Variants in PDE3B observed in about 807,000 individuals in gnomAD.
PDE3B encodes the protein cGMP-inhibited 3',5'-cyclic phosphodiesterase 3B.
A neutral mutation model predicts 116.8 loss-of-function variants in PDE3B; 66 were observed. The observed-to-expected ratio is 0.56, with a 90% CI of 0.46 to 0.69. PDE3B has a LOEUF of 0.69. PDE3B is among the 30% of genes least tolerant of loss of function. The pLI is 0.00. For synonymous variants in PDE3B, 595 were observed against 533.6 expected (o/e 1.12, Z -1.59); for missense variants, 1,384 against 1,368.1 (o/e 1.01, Z -0.18).
rs1465921537 is a variant in PDE3B at position 14,831,765 on chromosome 11, G to A, written c.2082G>A (p.Arg694=). 1 of 1,602,128 alleles carries A rather than the reference G, an allele frequency of 6.2e-7. No homozygotes were observed. ...AAAAGATGGGAGAGAAATCAGGAAG[G>A]ATTCTCAGTCAGGTTTGCTTTCAAA... is the stretch of plus-strand genomic sequence containing the variant. ...LVEKMGEKSG[R]ILSQVMYTLF... is the part of the protein sequence containing the mutation. The change falls in exon 9 of 16, where the codon AGG becomes AGA. Residue 694 remains arginine (R), a synonymous_variant. Transcript: ENST00000282096.
At chr11:14,879,382 G>T in the PDE3B span, 5 of 1,609,716 alleles carry the variant, frequency 3.1e-6, no homozygotes, top group South Asian at 5.5e-5. Flanking sequence ...TTTTGCATTT[G>T]TCGTCCCAAG....
the PDE3B span, among the ~76,000 whole-genome samples, chr11:14,897,905 A>G: frequency 6.6e-6 from 1 of 152,190 alleles, no homozygotes; most frequent in East Asian, 1.9e-4. Context: ...CACCTAGCTC[A>G]GCATTCACCT....
rs1848128062 is a variant in PDE3B, at chr11:14,870,675, T to C, written c.*1015T>C. ...CATCTTAGCTGTCATTTGTTCACTC[T>C]AAAACTGATGTTCATCTTTCTGTTA... is the stretch of plus-strand genomic sequence containing the variant. On this transcript the variant is annotated 3_prime_UTR_variant, in exon 16 of 16. Coordinates refer to ENST00000282096, the MANE Select transcript of PDE3B (RefSeq NM_000922.4). This position sits in a 1 kb window ranked among gnomAD's most constrained non-coding sequence, Gnocchi z 4.1. The C allele has an allele frequency of 6.6e-6, 1 of 152,224 alleles. No individual in the cohort carries two copies. The highest frequency in any genetic ancestry group is 2.1e-4 in the South Asian group (1 of 4,834). The allele number at this position is 152,224 out of a possible 1,614,324, so 9.4% of individuals were successfully genotyped here.
chr11:14,656,158 G>T (rs1345952334), intron 1 of PDE3B, among the ~76,000 whole-genome samples: 1 of 152,144 alleles, frequency 6.6e-6, no homozygotes, highest in Non-Finnish European at 1.5e-5. Flanking sequence ...AAGTCTTAGT[G>T]ACTGAAAGTT....
At chr11:14,762,938 A>G (rs951541141) in intron 1 of PDE3B, among the ~76,000 whole-genome samples, 3 of 152,200 alleles carry the variant, frequency 2.0e-5, no homozygotes, top group African/African-American at 7.2e-5. Context: ...GTTAAGTTCA[A>G]GGTATCTATT....
At chr11:14,731,746 A>G (rs537602576) in intron 1 of PDE3B, among the ~76,000 whole-genome samples, 2 of 152,266 alleles carry the variant, frequency 1.3e-5, no homozygotes, top group Non-Finnish European at 2.9e-5. Flanking sequence ...TAGTAAAAGA[A>G]ATTTTTAAAT....
intron 1 of PDE3B, among the ~76,000 whole-genome samples, chr11:14,679,218 T>C (rs1854625260): frequency 6.6e-6 from 1 of 152,110 alleles, no homozygotes; most frequent in South Asian, 2.1e-4. Context: ...TGCAGAAACA[T>C]TTTAGAATCA....
chr11:14,842,385 G>A (rs1847492360), intron 11 of PDE3B, among the ~76,000 whole-genome samples: 1 of 152,130 alleles, frequency 6.6e-6, no homozygotes, highest in Admixed American at 6.5e-5. Context: ...GAATTTAAAA[G>A]GAAATATTTT....
chr11:14,669,002 T>C (rs1854280093), intron 1 of PDE3B, among the ~76,000 whole-genome samples: 1 of 152,062 alleles, frequency 6.6e-6, no homozygotes, highest in Non-Finnish European at 1.5e-5. Flanking sequence ...GATGGCACAC[T>C]CAAATGGCTA....
At chr11:14,669,485 T>C (rs944984894) in intron 1 of PDE3B, among the ~76,000 whole-genome samples, 1 of 152,172 alleles carries the variant, frequency 6.6e-6, no homozygotes, top group Non-Finnish European at 1.5e-5. Context: ...AATTATACTT[T>C]TAAGTTCTAG....
chr11:14,781,022 A>G (rs1857980009), intron 2 of PDE3B, among the ~76,000 whole-genome samples: 1 of 152,208 alleles, frequency 6.6e-6, no homozygotes, highest in Non-Finnish European at 1.5e-5. Context: ...ACCATCTGAG[A>G]ATACTGTAAA....
intron 1 of PDE3B, among the ~76,000 whole-genome samples, chr11:14,769,849 G>A (rs1857590446): frequency 6.7e-6 from 1 of 148,478 alleles, no homozygotes; most frequent in African/African-American, 2.5e-5. Flanking sequence ...GGAAGTGATA[G>A]CACCACTGTT....
rs747537872 is a variant in PDE3B, at chr11:14,789,089, G to T, written c.1279-17G>T. 1 of 1,584,338 alleles carries T rather than the reference G, an allele frequency of 6.3e-7. No individual in the cohort carries two copies. The highest frequency in any genetic ancestry group is 8.6e-7 in the Non-Finnish European group (1 of 1,165,476). ...TTAAAGAGTGACATTTTAAACCATT[G>T]TTAAATTATTCAACAGGGACTAAAT... is the stretch of plus-strand genomic sequence containing the variant. On this transcript the variant is annotated splice_polypyrimidine_tract_variant and intron_variant, in intron 3 of 15. Coordinates refer to ENST00000282096, the MANE Select transcript of PDE3B (RefSeq NM_000922.4).
At chr11:14,868,442 AG>A (rs1442098862) in intron 15 of PDE3B, among the ~76,000 whole-genome samples, 3 of 151,772 alleles carry the variant, frequency 2.0e-5, no homozygotes, top group Admixed American at 1.3e-4. Flanking sequence ...AGTGGGGGGG[AG>A]GGGGGAAGGA....
chr11:14,809,307 C>A (rs1357652326), intron 5 of PDE3B, among the ~76,000 whole-genome samples: 1 of 152,146 alleles, frequency 6.6e-6, no homozygotes, highest in Admixed American at 6.5e-5. Context: ...CAGCATTATT[C>A]ATAATAGCTA....
intron 12 of PDE3B, among the ~76,000 whole-genome samples, chr11:14,851,509 G>GGGGTGT (rs148266636): frequency 6.1e-5 from 9 of 148,446 alleles, no homozygotes; most frequent in African/African-American, 1.5e-4. Flanking sequence ...GGTATAATGG[G>GGGGTGT]GTGTGTGTGT....
chr11:14,764,502 C>G (rs1857443907), intron 1 of PDE3B, among the ~76,000 whole-genome samples: 1 of 152,008 alleles, frequency 6.6e-6, no homozygotes, highest in African/African-American at 2.4e-5. Context: ...ACATGTACTG[C>G]CAAGCACTGC....
chr11:14,806,441 C>CT (rs1400065003), intron 5 of PDE3B, among the ~76,000 whole-genome samples: 2 of 150,152 alleles, frequency 1.3e-5, no homozygotes, highest in Non-Finnish European at 3.0e-5. Context: ...GAGCAAGACT[C>CT]TGTCTCAAAA....
Position 14,731,173 on chromosome 11 carries a change from T to G in PDE3B, c.979-40764T>G, listed in dbSNP as rs534713135. On this transcript the variant is annotated intron_variant, in intron 1 of 15. Transcript: ENST00000282096. ...TTTTATGTTTAGAATGTTGGGGATA[T>G]TTTGTTCATATTCTAAATAACTATT... Among the ~76,000 whole-genome samples, 200 of 152,236 alleles carry G rather than the reference T, an allele frequency of 1.3e-3. 2 individuals carry two copies. The highest frequency in any genetic ancestry group is 2.1e-3 in the Non-Finnish European group (144 of 67,996).
Sources: allele counts gnomAD v4.1 joint callset (sites outside exome capture counted in the v4.1 genomes callset), GRCh38; gene constraint gnomAD v4.1.1; non-coding constraint Gnocchi (gnomAD v3.1); transcripts MANE v1.5; gene names NCBI Gene and HGNC (gene_info 2026-07-23, HGNC 2026-07-21).